ERBB4: variants seen among roughly 807,000 people sequenced by gnomAD.
ERBB4 encodes erb-b2 receptor tyrosine kinase 4.
In ERBB4, 42 loss-of-function variants were observed where a neutral mutation model predicts 158.0. The observed-to-expected ratio is 0.27, with a 90% CI of 0.21 to 0.34. ERBB4 has a LOEUF of 0.34. Ranked by LOEUF, ERBB4 falls within the 10% of genes least tolerant of loss-of-function variation. ERBB4 has a pLI of 1.00. For synonymous variants in ERBB4, 583 were observed against 558.7 expected (o/e 1.04, Z -0.61); for missense variants, 1,333 against 1,624.1 (o/e 0.82, Z 3.08).
intron 1 of ERBB4, among the ~76,000 whole-genome samples, chr2:212,265,815 G>T (rs6745160): frequency 0.4 from 61,303 of 151,922 alleles, 13,965 homozygotes; most frequent in East Asian, 0.71. Flanking sequence ...AAAAGTGGGT[G>T]GTAAATGATC....
intron 18 of ERBB4, among the ~76,000 whole-genome samples, 171 bp downstream of exon 18, chr2:211,623,751 C>G (rs1322967600): frequency 6.6e-6 from 1 of 152,066 alleles, no homozygotes; most frequent in Non-Finnish European, 1.5e-5. Flanking sequence ...CCAGCTCATT[C>G]AATAAAAATT....
intron 20 of ERBB4, among the ~76,000 whole-genome samples, chr2:211,522,768 A>G (rs2066223852): frequency 6.6e-6 from 1 of 152,232 alleles, no homozygotes; most frequent in Non-Finnish European, 1.5e-5. Context: ...TTTTTTAGCA[A>G]TAAAGTATTT....
intron 19 of ERBB4, among the ~76,000 whole-genome samples, chr2:211,565,255 A>G (rs776467154): frequency 2.0e-5 from 3 of 151,700 alleles, no homozygotes; most frequent in Non-Finnish European, 4.4e-5. Flanking sequence ...TTTAAACATG[A>G]AATACTGATA....
intron 1 of ERBB4, among the ~76,000 whole-genome samples, chr2:212,241,345 A>G (rs2084097653): frequency 6.6e-6 from 1 of 152,240 alleles, no homozygotes. Flanking sequence ...TCAAATCTTT[A>G]TACTACATCT....
rs189331875 is a variant in ERBB4, at chr2:212,080,461, T to A, written c.234+44291A>T. Among the ~76,000 whole-genome samples the A allele has an allele frequency of 1.8e-3, 275 of 151,882 alleles. 2 individuals are homozygous for A. The highest frequency in any genetic ancestry group is 4.5e-3 in the African/African-American group (187 of 41,412). ...AGGCTAAGGTATATAACCATTTTTT[T>A]AAAAAATAATGGTTATTCAGTCTCA... On this transcript the variant is annotated intron_variant, in intron 2 of 27. Coordinates refer to ENST00000342788, the MANE Select transcript of ERBB4 (RefSeq NM_005235.3).
chr2:211,614,467 C>A (rs1298530016), intron 19 of ERBB4, among the ~76,000 whole-genome samples: 1 of 151,848 alleles, frequency 6.6e-6, no homozygotes, highest in East Asian at 1.9e-4. Flanking sequence ...GGGATAGATA[C>A]CCCATTCTCC....
intron 4 of ERBB4, chr2:211,778,631 G>C (rs892681562): frequency 2.0e-5 from 3 of 152,254 alleles, no homozygotes; most frequent in Non-Finnish European, 4.4e-5. Context: ...GCCGGCGCTG[G>C]AACCGGCTGG....
chr2:211,813,128 A>G (rs1030400338), intron 3 of ERBB4, among the ~76,000 whole-genome samples: 1 of 152,194 alleles, frequency 6.6e-6, no homozygotes, highest in African/African-American at 2.4e-5. Flanking sequence ...TTCTGCGTCA[A>G]TCACGCTGGG....
intron 1 of ERBB4, among the ~76,000 whole-genome samples, chr2:212,332,026 A>G (rs1371121246): frequency 6.6e-6 from 1 of 151,966 alleles, no homozygotes; most frequent in African/African-American, 2.4e-5. Flanking sequence ...AAATTAACTA[A>G]TAAGATAAGT....
intron 25 of ERBB4, among the ~76,000 whole-genome samples, chr2:211,395,083 A>T (rs549796568): frequency 6.6e-6 from 1 of 152,230 alleles, no homozygotes; most frequent in East Asian, 1.9e-4. Context: ...GTAAAATGTG[A>T]TTAACATTAA....
At chr2:212,449,952 A>G (rs960566694) in intron 1 of ERBB4, among the ~76,000 whole-genome samples, 1 of 152,096 alleles carries the variant, frequency 6.6e-6, no homozygotes, top group Non-Finnish European at 1.5e-5. Context: ...TCTCCCATTC[A>G]AGGCATTAGC....
At chr2:211,846,876 T>C (rs1014583329) in intron 3 of ERBB4, among the ~76,000 whole-genome samples, 5 of 152,144 alleles carry the variant, frequency 3.3e-5, no homozygotes, top group African/African-American at 1.2e-4. Context: ...TCACATCTAA[T>C]AGCATTCAAC....
chr2:211,793,923 T>C (rs189702144), intron 3 of ERBB4, among the ~76,000 whole-genome samples: 1 of 151,992 alleles, frequency 6.6e-6, no homozygotes, highest in Admixed American at 6.6e-5. Flanking sequence ...AGTTGAAGTG[T>C]GCAAAATTGA....
intron 3 of ERBB4, among the ~76,000 whole-genome samples, chr2:211,844,574 C>G (rs1439233): frequency 6.6e-6 from 1 of 151,860 alleles, no homozygotes; most frequent in Non-Finnish European, 1.5e-5. Context: ...TGTGGACTGT[C>G]GAGGGAGAAG....
chr2:211,646,686 A>G (rs2070791208), intron 16 of ERBB4, among the ~76,000 whole-genome samples: 2 of 151,644 alleles, frequency 1.3e-5, no homozygotes, highest in Non-Finnish European at 1.5e-5. Flanking sequence ...GCATTTTGCA[A>G]TTAACGCAAC....
intron 1 of ERBB4, among the ~76,000 whole-genome samples, chr2:212,238,196 GC>G (rs1215172521): frequency 6.6e-6 from 1 of 152,198 alleles, no homozygotes; most frequent in Non-Finnish European, 1.5e-5. Context: ...GAAACCCAGG[GC>G]CCTGGTGGCA....
chr2:211,795,702 G>C (rs1245831618), intron 3 of ERBB4, among the ~76,000 whole-genome samples: 1 of 151,706 alleles, frequency 6.6e-6, no homozygotes, highest in Non-Finnish European at 1.5e-5. Flanking sequence ...CAAAAGAACA[G>C]AGGAAGAGTA....
chr2:211,839,041 C>T (rs2077404407), intron 3 of ERBB4, among the ~76,000 whole-genome samples: 1 of 151,974 alleles, frequency 6.6e-6, no homozygotes, highest in Non-Finnish European at 1.5e-5. Context: ...CAATGGACCA[C>T]CTCTTTGCAT....
chr2:211,608,446 C>T (rs945370645), intron 19 of ERBB4, among the ~76,000 whole-genome samples: 3 of 152,124 alleles, frequency 2.0e-5, no homozygotes, highest in Non-Finnish European at 2.9e-5. Flanking sequence ...CTTCCCTTAT[C>T]GGCTTTGCAA....
Sources: gnomAD v4.1 joint callset for allele counts (sites outside exome capture counted in the v4.1 genomes callset) on GRCh38, gnomAD v4.1.1 for gene constraint, MANE v1.5 for transcripts, NCBI Gene and HGNC (gene_info 2026-07-23, HGNC 2026-07-21) for gene names.